TCP11X2: variants seen among roughly 807,000 people sequenced by gnomAD.
The protein encoded by TCP11X2 is t-complex 11 family, X-linked 2, also known as T-complex protein 11-like X-linked protein 2.
A neutral mutation model predicts 16.0 loss-of-function variants in TCP11X2; 1 was observed. That is an observed-to-expected ratio of 0.06 (90% CI 0.02 to 0.30). The LOEUF (loss-of-function observed/expected upper bound fraction) is 0.30. Among genes scored for constraint, TCP11X2 ranks in the 10% least tolerant of loss-of-function variants. TCP11X2 has a pLI of 1.00. For missense variants in TCP11X2, 13 were observed against 184.6 expected, an observed-to-expected ratio of 0.07 and a Z score of 5.39; for synonymous variants, 2 against 72.2, an observed-to-expected ratio of 0.03 and a Z score of 4.93.
intron 3 of TCP11X2, among the ~76,000 whole-genome samples, chrX:102,466,422 A>T (rs58515594): frequency 0.016 from 200 of 12,142 alleles, 1 homozygote; most frequent in South Asian, 0.022. Context: ...AAAAAAAAAA[A>T]ATATATATAT....
exon 7 of TCP11X2, chrX:102,463,239 A>C (rs1934583377): frequency 8.6e-7 from 1 of 1,166,383 alleles, no homozygotes; most frequent in Non-Finnish European, 1.1e-6. Flanking sequence ...TTGGAAGTGA[A>C]CACGCCATGC....
exon 7 of TCP11X2, chrX:102,463,219 C>T: frequency 3.4e-6 from 4 of 1,167,100 alleles, no homozygotes; most frequent in Non-Finnish European, 4.6e-6. Context: ...TGAATTGTTA[C>T]CTGCCCCGCT....
chrX:102,463,054 C>G (rs1934579498), intron 7 of TCP11X2, 28 bp from the exon 8 acceptor site: 1 of 1,149,197 alleles, frequency 8.7e-7, no homozygotes, highest in African/African-American at 1.9e-5. Flanking sequence ...GACAGCCCAT[C>G]AGAAGAGGAG....
chrX:102,463,587 CATA>C lies in TCP11X2; in HGVS notation c.709+2_709+4del. On this transcript the variant is annotated splice_donor_variant and splice_donor_region_variant and intron_variant, in intron 6 of 9. Coordinates refer to ENST00000642911, the Ensembl canonical transcript of TCP11X2. LOFTEE classifies it high-confidence loss of function. ...CCCTCTCCTGCCCTTGAATTTTAAA[CATA>C]CTGGGCTGTTTATCAAGGAGTTCCT... is the stretch of plus-strand genomic sequence containing the variant. 9.1e-7 allele frequency: 1 copy of C among 1,099,023 alleles called. No homozygotes were observed. The highest frequency in any genetic ancestry group is 3.8e-5 in the Admixed American group (1 of 26,559). 90.6% of individuals were successfully genotyped at this position (1,099,023 alleles called of 1,213,427 possible).
Position 102,463,579 on chromosome X carries a change from A to AGGAGAG in TCP11X2, c.709+12_709+13insCTCTCC, listed in dbSNP as rs1934588995. 9.1e-7 allele frequency: 1 copy of AGGAGAG among 1,101,070 alleles called. No homozygotes were observed. Among genetic ancestry groups the AGGAGAG allele is most frequent in the Admixed American group, 3.6e-5 (1 of 27,762 alleles). The allele number at this position is 1,101,070 out of a possible 1,213,427, so 90.7% of individuals were successfully genotyped here. ...CAAATCTCCCCTCTCCTGCCCTTGA[A>AGGAGAG]TTTTAAACATACTGGGCTGTTTATC... On this transcript the variant is annotated intron_variant, in intron 6 of 9. Coordinates refer to ENST00000642911, the Ensembl canonical transcript of TCP11X2.
At chrX:102,462,867 GGGCCTT>G in exon 8 of TCP11X2, 1 of 566,578 alleles carries the variant, frequency 1.8e-6, no homozygotes, top group Admixed American at 4.0e-5. Flanking sequence ...TCCTCAGTTA[GGGCCTT>G]GGTGGTGCAT....
intron 3 of TCP11X2, among the ~76,000 whole-genome samples, chrX:102,466,442 T>TAA (rs1934605649): frequency 3.6e-5 from 1 of 27,616 alleles, no homozygotes; most frequent in Non-Finnish European, 9.1e-5. Context: ...TATATATATA[T>TAA]GTATATACAC....
At chrX:102,466,422 A>AATAT (rs1556397238) in intron 3 of TCP11X2, among the ~76,000 whole-genome samples, 20 of 12,316 alleles carry the variant, frequency 1.6e-3, no homozygotes, top group Admixed American at 2.2e-3. Context: ...AAAAAAAAAA[A>AATAT]ATATATATAT....
At position 102,463,686 on chromosome X, in the gene TCP11X2, C is replaced by CA; in HGVS notation, c.614dup (p.Asn206GlufsTer19). On this transcript the variant is annotated frameshift_variant, in exon 6 of 10. Transcript: ENST00000642911. LOFTEE classifies it high-confidence loss of function. Reference sequence around the variant, plus strand: ...GTCGAAAGCTCTGGATGGTATAGTTCACCATGTCCATTTTCATTAGGCCCA... The same window carrying CA: ...GTCGAAAGCTCTGGATGGTATAGTTCAACCATGTCCATTTTCATTAGGCCCA... 9.8e-7 allele frequency: 1 copy of CA among 1,018,526 alleles called. No homozygotes were observed. The highest frequency in any genetic ancestry group is 2.3e-5 in the South Asian group (1 of 44,392). 83.9% of individuals were successfully genotyped at this position (1,018,526 alleles called of 1,213,427 possible).
chrX:102,463,264 G>C (rs1934583884), exon 7 of TCP11X2: 2 of 1,166,118 alleles, frequency 1.7e-6, no homozygotes, highest in Non-Finnish European at 2.3e-6. Flanking sequence ...GGAGGAGCTA[G>C]GTGAGTCAGG....
chrX:102,463,464 T>A, intron 6 of TCP11X2, 119 bp from the exon 7 acceptor site: 1 of 1,103,249 alleles, frequency 9.1e-7, no homozygotes, highest in Non-Finnish European at 1.2e-6. Flanking sequence ...AGAGAAACAT[T>A]CCTTCTCCCT....
At chrX:102,466,422 A>AAAAAATAT (rs1158082257) in intron 3 of TCP11X2, among the ~76,000 whole-genome samples, 2 of 12,326 alleles carry the variant, frequency 1.6e-4, no homozygotes, top group Non-Finnish European at 4.3e-4. Context: ...AAAAAAAAAA[A>AAAAAATAT]ATATATATAT....
chrX:102,463,445 T>G, intron 6 of TCP11X2, 100 bp from the exon 7 acceptor site: 1 of 959,180 alleles, frequency 1.0e-6, no homozygotes, highest in Non-Finnish European at 1.5e-6. Flanking sequence ...TTGTAGATCT[T>G]TCTATCTTAG....
At chrX:102,466,448 T>TAC (rs1175325609) in intron 3 of TCP11X2, among the ~76,000 whole-genome samples, 3 of 23,213 alleles carry the variant, frequency 1.3e-4, no homozygotes, top group Admixed American at 8.3e-4. Context: ...TATATGTATA[T>TAC]ACACACACAC....
At chrX:102,466,418 AAAAAATAT>A (rs1934603171) in intron 3 of TCP11X2, among the ~76,000 whole-genome samples, 1 of 42,058 alleles carries the variant, frequency 2.4e-5, no homozygotes, top group African/African-American at 6.0e-5. Flanking sequence ...AAAAAAAAAA[AAAAAATAT>A]ATATATATAT....
chrX:102,463,803 GC>G, intron 5 of TCP11X2, 75 bp from the exon 6 acceptor site: 1 of 490,675 alleles, frequency 2.0e-6, no homozygotes, highest in South Asian at 3.5e-5. Flanking sequence ...CAAGCAAGGA[GC>G]CATAAAAGCA....
At chrX:102,466,422 A>AAAAAAATACAT (rs1158082257) in intron 3 of TCP11X2, among the ~76,000 whole-genome samples, 2 of 12,329 alleles carry the variant, frequency 1.6e-4, no homozygotes, top group Non-Finnish European at 2.1e-4. Flanking sequence ...AAAAAAAAAA[A>AAAAAAATACAT]ATATATATAT....
In TCP11X2 at chrX:102,460,541, GC is replaced by G. The variant is rs1934562738; in HGVS notation, c.1480del (p.Ala494HisfsTer?). On this transcript the variant is annotated frameshift_variant, in exon 10 of 10. Transcript: ENST00000642911. LOFTEE classifies it high-confidence loss of function. ...GTTAGGCTCCACATCTGTTTCTTGT[GC>G]TTGAGCTGGATGGATGATGTGTTTT... 1.3e-6 allele frequency: 1 copy of G among 798,587 alleles called. No individual in the cohort carries two copies. The highest frequency in any genetic ancestry group is 3.6e-5 in the East Asian group (1 of 27,590). The allele number at this position is 798,587 out of a possible 1,213,427, so 65.8% of individuals were successfully genotyped here. A position where few individuals can be genotyped will look rare whatever the true frequency, so the allele number is the denominator to read the frequency against.
chrX:102,463,551 G>A (rs1934588401), intron 6 of TCP11X2, 41 bp downstream of exon 6: 1 of 1,155,310 alleles, frequency 8.7e-7, no homozygotes, highest in Non-Finnish European at 1.2e-6. Context: ...GCAGACCTGA[G>A]GTCAAATCTC....
Sources: allele counts gnomAD v4.1 joint callset (sites outside exome capture counted in the v4.1 genomes callset), GRCh38; gene constraint gnomAD v4.1.1; transcripts MANE v1.5; gene names NCBI Gene and HGNC (gene_info 2026-07-23, HGNC 2026-07-21).